MAPKBP1: variants seen among roughly 807,000 people sequenced by gnomAD.
The protein encoded by MAPKBP1 is mitogen-activated protein kinase binding protein 1, also known as mitogen-activated protein kinase-binding protein 1.
MAPKBP1 carries 71 observed loss-of-function variants against 170.5 expected under a neutral mutation model. The observed-to-expected ratio is 0.42, with a 90% CI of 0.34 to 0.51. The LOEUF is 0.51. Ranked by LOEUF, MAPKBP1 falls within the 20% of genes least tolerant of loss-of-function variation. The probability of loss-of-function intolerance (pLI) is 0.06; values close to 1 mark genes in which losing one functional copy is unlikely to be tolerated. For missense variants in MAPKBP1, 1,598 were observed against 1,933.0 expected, an observed-to-expected ratio of 0.83 and a Z score of 3.25; for synonymous variants, 719 against 757.9, an observed-to-expected ratio of 0.95 and a Z score of 0.84.
In MAPKBP1 at chr15:41,825,599, T is replaced by G. The variant is rs1167316516; in HGVS notation, c.*163T>G. The G allele has an allele frequency of 1.6e-5, 9 of 567,374 alleles. No homozygotes were observed. The highest frequency in any genetic ancestry group is 3.5e-5 in the Admixed American group (1 of 28,462). The allele number at this position is 567,374 out of a possible 1,614,324, so 35.1% of individuals were successfully genotyped here. A position where few individuals can be genotyped will look rare whatever the true frequency, so the allele number is the denominator to read the frequency against. On this transcript the variant is annotated 3_prime_UTR_variant, in exon 31 of 31. Transcript: ENST00000457542. ...CCGCTCCTCGTGGGGGGCCTGTATT[T>G]ATTAATTTATTTCCCTGACTGTTGC...
Position 41,813,057 on chromosome 15 carries a change from G to C in MAPKBP1, c.775G>C (p.Glu259Gln), listed in dbSNP as rs200270151. 97 of 1,612,530 alleles carry C rather than the reference G, an allele frequency of 6.0e-5. No homozygotes were observed. Among genetic ancestry groups the C allele is most frequent in the Non-Finnish European group, 8.0e-5 (94 of 1,179,262 alleles). ...CATCACGTCCTCAGGGCTGCTGTGCGAGTTCAGTGATCGAAGGCTTTTGGA... is the reference window on the plus strand; with the variant it reads ...CATCACGTCCTCAGGGCTGCTGTGCCAGTTCAGTGATCGAAGGCTTTTGGA... ...FCITSSGLLC[E>Q]FSDRRLLDKW... Residue 259 changes from glutamate (E) to glutamine (Q), a missense_variant, in exon 8 of 31, where the codon GAG becomes CAG. Transcript: ENST00000457542.
chr15:41,784,069 C>G (rs553295108), intron 2 of MAPKBP1, among the ~76,000 whole-genome samples: 1 of 152,336 alleles, frequency 6.6e-6, no homozygotes, highest in South Asian at 2.1e-4. Context: ...AAGCAAGCAG[C>G]TGCTTGTCAG....
chr15:41,816,485 G>A (rs2064893418), intron 12 of MAPKBP1, 74 bp from the exon 13 acceptor site: 4 of 989,320 alleles, frequency 4.0e-6, no homozygotes, highest in Non-Finnish European at 6.4e-6. Flanking sequence ...AGGAGAAAAT[G>A]TAGCAGAGGA....
intron 3 of MAPKBP1, among the ~76,000 whole-genome samples, chr15:41,806,948 C>T (rs1013686620): frequency 5.3e-5 from 8 of 152,236 alleles, no homozygotes; most frequent in African/African-American, 9.6e-5. Flanking sequence ...ATGCTGCTCT[C>T]ACTTCAGCAT....
rs775620725 is a variant in MAPKBP1 at position 41,824,058 on chromosome 15, T to C, written c.4210T>C (p.Ser1404Pro). The change falls in exon 29 of 31, where the codon TCA becomes CCA. Residue 1404 changes from serine (S) to proline (P), a missense_variant. Ser to Pro is a moderately conservative substitution (Grantham distance 74, BLOSUM62 -1). Coordinates refer to ENST00000457542, the MANE Select transcript of MAPKBP1 (RefSeq NM_014994.3). Reference protein sequence around the residue: ...TKPGAALSQDSEPAVSLEQCE... With the variant: ...TKPGAALSQDPEPAVSLEQCE... The stretch of plus-strand genomic sequence containing the variant: ...GCCAGGGGCAGCCCTGAGCCAGGAC[T>C]CAGGTGTGCACAGCTCCCCAGCTCT... 6.2e-7 allele frequency: 1 copy of C among 1,600,018 alleles called. No homozygotes were observed. The highest frequency in any genetic ancestry group is 1.1e-5 in the South Asian group (1 of 90,678).
Position 41,824,554 on chromosome 15 carries a change from G to T in MAPKBP1, c.4284G>T (p.Val1428=). 6.3e-7 allele frequency: 1 copy of T among 1,598,636 alleles called. No homozygotes were observed. The change falls in exon 30 of 31, where the codon GTG becomes GTT. Residue 1428 remains valine (V), a synonymous_variant. Transcript: ENST00000457542. ...AELRGSVRQA[V]RLYHSVAGCK... ...TCCGCGGCAGCGTGCGCCAGGCAGT[G>T]CGGCTCTACCACTCGGTGGGTGTTA...
rs2064946182 is a variant in MAPKBP1, at chr15:41,819,312, A to G, written c.2358A>G (p.Glu786=). The G allele has an allele frequency of 2.5e-6, 4 of 1,614,090 alleles. No individual in the cohort carries two copies. In the South Asian group the frequency reaches 3.3e-5, roughly 13 times the overall value. Residue 786 remains glutamate, a synonymous_variant, in exon 21 of 31, where the codon GAA becomes GAG. Transcript: ENST00000457542. ...ALSSDSDKEG[E]DEGTEEELPA... ...CATCAGACAGTGACAAGGAGGGAGA[A>G]GATGAGGGGACTGAAGAAGAACTTC... is the stretch of plus-strand genomic sequence containing the variant.
rs2064827803 is a variant in MAPKBP1, at chr15:41,812,946, C to T, written c.664C>T (p.Arg222Cys). 5 of 1,607,642 alleles carry T rather than the reference C, an allele frequency of 3.1e-6. No individual in the cohort carries two copies. The highest frequency in any genetic ancestry group is 4.2e-6 in the Non-Finnish European group (5 of 1,176,908). ...KVNATVPLLG[R>C]SGLLGELRNN... ...GAATGCCACTGTGCCCTTGCTGGGC[C>T]GCTCAGGGCTGCTGGGAGAGCTACG... The change falls in exon 8 of 31, where the codon CGC (arginine) becomes TGC (cysteine). Residue 222 changes from arginine (R) to cysteine (C), a missense_variant. Coordinates refer to ENST00000457542, the MANE Select transcript of MAPKBP1 (RefSeq NM_014994.3).
At position 41,822,078 on chromosome 15, in the gene MAPKBP1, G is replaced by T; in HGVS notation, c.2999G>T (p.Ser1000Ile). ...GCCTGCTCTGTGGATTACAGCAGCA[G>T]CTGCCTTTCCAGCCCGGAGCACCCC... ...DSACSVDYSS[S>I]CLSSPEHPTE... Residue 1000 changes from serine (S) to isoleucine (I), a missense_variant, in exon 25 of 31, where the codon AGC becomes ATC. Around this residue, in one of 6 missense-constraint regions of MAPKBP1, gnomAD observed 942 missense variants for 953.2 expected, o/e 0.99. Coordinates refer to ENST00000457542, the MANE Select transcript of MAPKBP1 (RefSeq NM_014994.3). 6.2e-7 allele frequency: 1 copy of T among 1,608,754 alleles called. No homozygotes were observed. Among genetic ancestry groups the T allele is most frequent in the Non-Finnish European group, 8.5e-7 (1 of 1,177,460 alleles).
At chr15:41,814,228 C>T (rs1032300415) in intron 9 of MAPKBP1, among the ~76,000 whole-genome samples, 3 of 152,164 alleles carry the variant, frequency 2.0e-5, no homozygotes, top group Non-Finnish European at 2.9e-5. Flanking sequence ...TGTCATGGTT[C>T]GTTGTGGTTT....
Position 41,818,905 on chromosome 15 carries a change from G to T in MAPKBP1, c.2239G>T (p.Gly747Cys). 1 of 1,614,242 alleles carries T rather than the reference G, an allele frequency of 6.2e-7. No homozygotes were observed. The highest frequency in any genetic ancestry group is 8.5e-7 in the Non-Finnish European group (1 of 1,180,048). Residue 747 changes from glycine (G) to cysteine (C), a missense_variant, in exon 20 of 31, where the codon GGC becomes TGC. Coordinates refer to ENST00000457542, the MANE Select transcript of MAPKBP1 (RefSeq NM_014994.3). This position sits in a 1 kb window ranked among gnomAD's most constrained non-coding sequence, Gnocchi z 5.2. ...GGCCGAGTTGCGCCAGCGTCAGCGGGGCGGCAAGCAGCAAGGACCATCCTC... is the reference window on the plus strand; with the variant it reads ...GGCCGAGTTGCGCCAGCGTCAGCGGTGCGGCAAGCAGCAAGGACCATCCTC... ...RLAELRQRQR[G>C]GKQQGPSSPQ...
At position 41,822,216 on chromosome 15, in the gene MAPKBP1, C is replaced by T. The variant is rs2303517; in HGVS notation, c.3032-9C>T. On this transcript the variant is annotated splice_polypyrimidine_tract_variant and intron_variant, in intron 25 of 30. Transcript: ENST00000457542. ...CAGTGCGATGCCTCTCTCCCCTCCC[C>T]ACACCCAGACTCTGAGAGCACGGAG... 0.78 allele frequency: 1,262,037 copies of T among 1,609,014 alleles called. 504,292 individuals carry two copies. The highest frequency in any genetic ancestry group is 0.84 in the Middle Eastern group (5,062 of 6,034).
Position 41,812,528 on chromosome 15 carries a change from G to C in MAPKBP1, c.511G>C (p.Val171Leu). Residue 171 changes from valine (V) to leucine (L), a missense_variant, in exon 7 of 31, where the codon GTG (valine) becomes CTG (leucine). By Grantham distance (32) the Val-to-Leu change is conservative. Coordinates refer to ENST00000457542, the MANE Select transcript of MAPKBP1 (RefSeq NM_014994.3). ...GCATCCCCTCCAGAAAAACATTGTG[G>C]TGGCCTCCAACAAGGTGTCCAGTCG... ...NVWAWKKNIV[V>L]ASNKVSSRVT... The C allele has an allele frequency of 6.2e-7, 1 of 1,614,182 alleles. No homozygotes were observed. Among genetic ancestry groups the C allele is most frequent in the Non-Finnish European group, 8.5e-7 (1 of 1,180,038 alleles).
chr15:41,805,350 G>A (rs2064671845), intron 3 of MAPKBP1, among the ~76,000 whole-genome samples: 1 of 152,162 alleles, frequency 6.6e-6, no homozygotes, highest in African/African-American at 2.4e-5. Context: ...TAATTGAGTT[G>A]GGCCTTTTCC....
Position 41,816,969 on chromosome 15 carries a change from C to T in MAPKBP1, c.1645C>T (p.Arg549Trp). The T allele has an allele frequency of 6.2e-7, 1 of 1,612,698 alleles. No homozygotes were observed. Among genetic ancestry groups the T allele is most frequent in the East Asian group, 2.2e-5 (1 of 44,858 alleles). Residue 549 changes from arginine (R) to tryptophan (W), a missense_variant, in exon 14 of 31, where the codon CGG becomes TGG. By Grantham distance (101) the Arg-to-Trp change is moderately radical (BLOSUM62 -3). Transcript: ENST00000457542. ...GCTGATCCATGTGCTGGATGCCGGG[C>T]GGGAGTACAGCCTACAGCAGACGCT... is the stretch of plus-strand genomic sequence containing the variant. Reference protein sequence around the residue: ...DRLIHVLDAGREYSLQQTLDE... With the variant: ...DRLIHVLDAGWEYSLQQTLDE...
chr15:41,796,803 A>G (rs1419941226), intron 2 of MAPKBP1, among the ~76,000 whole-genome samples: 1 of 152,202 alleles, frequency 6.6e-6, no homozygotes, highest in Non-Finnish European at 1.5e-5. Context: ...CCTGTCTCCC[A>G]GGCCTGGCAG....
chr15:41,786,744 G>A (rs1288125880), intron 2 of MAPKBP1, among the ~76,000 whole-genome samples: 4 of 68,304 alleles, frequency 5.9e-5, no homozygotes, highest in South Asian at 9.6e-4. Flanking sequence ...CAGCATGGGC[G>A]ACAGAGCCAG....
Position 41,827,808 on chromosome 15 carries a change from C to G in MAPKBP1, c.*2372C>G. ...GCGGGGGCGCTGTTTTTAACGTGCCCGTTTGTACTGATGTATGAACTTGTC... is the reference window on the plus strand; with the variant it reads ...GCGGGGGCGCTGTTTTTAACGTGCCGGTTTGTACTGATGTATGAACTTGTC... On this transcript the variant is annotated 3_prime_UTR_variant, in exon 31 of 31. Coordinates refer to ENST00000457542, the MANE Select transcript of MAPKBP1 (RefSeq NM_014994.3). 1 of 313,046 alleles carries G rather than the reference C, an allele frequency of 3.2e-6. No homozygotes were observed. Among genetic ancestry groups the G allele is most frequent in the Non-Finnish European group, 5.9e-6 (1 of 170,846 alleles). 19.4% of individuals were successfully genotyped at this position (313,046 alleles called of 1,614,324 possible). A position where few individuals can be genotyped will look rare whatever the true frequency, so the allele number is the denominator to read the frequency against.
In MAPKBP1 at chr15:41,820,784, T is replaced by A. The variant is rs112389383; in HGVS notation, c.2482-48T>A. ...GGGATATGTGGATATTTGTTGATCT[T>A]ACTGTGTGGTTGTTGTTACTCCTCC... On this transcript the variant is annotated intron_variant, in intron 22 of 30. Transcript: ENST00000457542. 117 of 1,376,148 alleles carry A rather than the reference T, an allele frequency of 8.5e-5. No homozygotes were observed. The African/African-American group carries it at 1.5e-3, about 18-fold the overall frequency. 85.2% of individuals were successfully genotyped at this position (1,376,148 alleles called of 1,614,324 possible).
Sources: allele counts gnomAD v4.1 joint callset (sites outside exome capture counted in the v4.1 genomes callset), GRCh38; gene constraint gnomAD v4.1.1; regional missense constraint gnomAD v4.1.1; non-coding constraint Gnocchi (gnomAD v3.1); transcripts MANE v1.5; gene names NCBI Gene and HGNC (gene_info 2026-07-23, HGNC 2026-07-21).